The following DDX24 variants were observed in gnomAD, a reference collection of about 807,000 sequenced individuals.
DDX24 encodes the protein DEAD-box helicase 24, also known as ATP-dependent RNA helicase DDX24.
A neutral mutation model predicts 68.9 loss-of-function variants in DDX24; 24 were observed. The ratio of observed to expected loss-of-function variants is 0.35; its 90% CI spans 0.25 to 0.49. DDX24 has a LOEUF of 0.49. DDX24 is among the 20% of genes least tolerant of loss of function. The pLI is 0.99. For synonymous variants in DDX24, 395 were observed against 385.2 expected, an observed-to-expected ratio of 1.03 and a Z score of -0.30; for missense variants, 989 against 1,039.0, an observed-to-expected ratio of 0.95 and a Z score of 0.66.
In DDX24 at chr14:94,062,453, T is replaced by C; in HGVS notation, c.887A>G (p.Asp296Gly). 1 of 1,614,162 alleles carries C rather than the reference T, an allele frequency of 6.2e-7. No homozygotes were observed. The highest frequency in any genetic ancestry group is 8.5e-7 in the Non-Finnish European group (1 of 1,180,028). The change falls in exon 3 of 9, where the codon GAT becomes GGT. Residue 296 changes from aspartate to glycine, a missense_variant. By Grantham distance (94) the Asp-to-Gly change is moderately conservative (BLOSUM62 -1). This residue lies in a region of DDX24 where 691 missense variants were observed against 760.0 expected (regional missense o/e 0.91). Coordinates refer to ENST00000621632, the MANE Select transcript of DDX24 (RefSeq NM_020414.4). ...AATTACAGTATCGTCAGGCAATGCATCAGACTCAGCTTCAGCCTTGCCTGG... is the reference window on the plus strand; with the variant it reads ...AATTACAGTATCGTCAGGCAATGCACCAGACTCAGCTTCAGCCTTGCCTGG... The part of the protein sequence containing the change: ...RSPGKAEAES[D>G]ALPDDTVIES...
intron 7 of DDX24, 44 bp from the exon 8 acceptor site, chr14:94,053,171 G>A: frequency 6.2e-7 from 1 of 1,612,358 alleles, no homozygotes; most frequent in Non-Finnish European, 8.5e-7. Flanking sequence ...ATAGAGTTCA[G>A]GCCTCTGGGA....
At chr14:94,054,237 T>C (rs1385139892) in intron 7 of DDX24, among the ~76,000 whole-genome samples, 1 of 152,212 alleles carries the variant, frequency 6.6e-6, no homozygotes, top group East Asian at 1.9e-4. Flanking sequence ...TCCTTACTAA[T>C]GGGAATTCTC....
At position 94,060,942 on chromosome 14, in the gene DDX24, A is replaced by G; in HGVS notation, c.1368T>C (p.His456=). ...GRLWELIKEK[H]YHLRNLRQLR... ...GCTGCCGAAGGTTCCTCAAATGATA[A>G]TGCTTTTCTTTAATTAATTCCCACA... is the stretch of plus-strand genomic sequence containing the variant. Residue 456 remains histidine, a synonymous_variant, in exon 4 of 9, where the codon CAT becomes CAC. Transcript: ENST00000621632. 6.2e-7 allele frequency: 1 copy of G among 1,614,216 alleles called. No individual in the cohort carries two copies. Among genetic ancestry groups the G allele is most frequent in the Non-Finnish European group, 8.5e-7 (1 of 1,180,020 alleles).
At chr14:94,065,530 C>T (rs570491295) in intron 2 of DDX24, among the ~76,000 whole-genome samples, 7 of 152,304 alleles carry the variant, frequency 4.6e-5, no homozygotes, top group Non-Finnish European at 7.3e-5. Context: ...GATTGCAACT[C>T]CTGAAAGAGC....
At chr14:94,071,352 A>T (rs186975281) in intron 2 of DDX24, among the ~76,000 whole-genome samples, 5 of 152,196 alleles carry the variant, frequency 3.3e-5, no homozygotes, top group Non-Finnish European at 7.3e-5. Context: ...AAATCAAAAA[A>T]CAGTAGATGT....
chr14:94,048,503 G>A lies in DDX24; in HGVS notation c.*2688C>T, dbSNP rs45586440. On this transcript the variant is annotated 3_prime_UTR_variant, in exon 9 of 9. Coordinates refer to ENST00000621632, the MANE Select transcript of DDX24 (RefSeq NM_020414.4). ...CTTGGCCAAGTCACTTCACCTCCCT[G>A]AGCCCCAATTCCCAAGTTTGTGAAA... The A allele has an allele frequency of 2.5e-3, 377 of 152,284 alleles. No homozygotes were observed. Among genetic ancestry groups the A allele is most frequent in the Non-Finnish European group, 4.6e-3 (314 of 68,046 alleles). 9.4% of individuals were successfully genotyped at this position (152,284 alleles called of 1,614,324 possible).
In DDX24 at chr14:94,051,446, C is replaced by T; in HGVS notation, c.2325G>A (p.Gln775=). 1 of 1,559,252 alleles carries T rather than the reference C, an allele frequency of 6.4e-7. No homozygotes were observed. Among genetic ancestry groups the T allele is most frequent in the South Asian group, 1.2e-5 (1 of 81,978 alleles). ...EDMYKGGKAD[Q]QEERRRQKQM... ...GCTTTTGTCTCCGACGTTCTTCTTG[C>T]TGGTCAGCTTTTCCTCCTTGAAACA... Residue 775 remains glutamine, a synonymous_variant, in exon 9 of 9, where the codon CAG becomes CAA. Transcript: ENST00000621632.
At chr14:94,065,151 C>T (rs956714400) in intron 2 of DDX24, among the ~76,000 whole-genome samples, 2 of 151,704 alleles carry the variant, frequency 1.3e-5, no homozygotes, top group African/African-American at 2.4e-5. Context: ...CAGGTTCAAG[C>T]GATTCTCCTG....
intron 8 of DDX24, among the ~76,000 whole-genome samples, chr14:94,052,384 G>C (rs1457262634): frequency 6.6e-6 from 1 of 152,200 alleles, no homozygotes; most frequent in Non-Finnish European, 1.5e-5. Flanking sequence ...CTCTGCTGTG[G>C]TATCTAGTTT....
At chr14:94,059,454 T>C (rs1302954668) in intron 5 of DDX24, among the ~76,000 whole-genome samples, 1 of 152,232 alleles carries the variant, frequency 6.6e-6, no homozygotes, top group Admixed American at 6.5e-5. Flanking sequence ...TTTCTAGACC[T>C]CATTTTTCCA....
At position 94,079,108 on chromosome 14, in the gene DDX24, A is replaced by G; in HGVS notation, c.635T>C (p.Phe212Ser). The change falls in exon 2 of 9, where the codon TTC becomes TCC. Residue 212 changes from phenylalanine to serine, a missense_variant. This residue lies in a region of DDX24 where 295 missense variants were observed against 263.0 expected (regional missense o/e 1.12). Coordinates refer to ENST00000621632, the MANE Select transcript of DDX24 (RefSeq NM_020414.4). ...PVLRALSFLG[F>S]SAPTPIQALT... ...GGCTTGGATTGGTGTGGGTGCAGAG[A>G]AGCCTAGAAAGCTGAGTGCTCGGAG... 1 of 1,614,224 alleles carries G rather than the reference A, an allele frequency of 6.2e-7. No homozygotes were observed.
chr14:94,063,465 TAA>T (rs1885637475), intron 2 of DDX24, among the ~76,000 whole-genome samples: 1 of 152,138 alleles, frequency 6.6e-6, no homozygotes, highest in Non-Finnish European at 1.5e-5. Flanking sequence ...AAATGTGAAA[TAA>T]AGACTTTAGG....
rs1177295119 is a variant in DDX24, at chr14:94,060,507, G to T, written c.1504C>A (p.Gln502Lys). The change falls in exon 5 of 9, where the codon CAA becomes AAA. Residue 502 changes from glutamine (Q) to lysine (K), a missense_variant. By Grantham distance (53) the Gln-to-Lys change is moderately conservative (BLOSUM62 1). Transcript: ENST00000621632. ...AGTGTGGCAGAAAAAACAAGCGTTT[G>T]TCTCTTTGGGTTGTATTGGGAGTCA... ...LNDSQYNPKR[Q>K]TLVFSATLTL... is the part of the protein sequence containing the mutation. 6.2e-7 allele frequency: 1 copy of T among 1,614,178 alleles called. No homozygotes were observed. Among genetic ancestry groups the T allele is most frequent in the Admixed American group, 1.7e-5 (1 of 60,026 alleles).
chr14:94,053,339 C>A, intron 7 of DDX24: 2 of 410,776 alleles, frequency 4.9e-6, no homozygotes, highest in Non-Finnish European at 8.5e-6. Context: ...TGGGAGGCAC[C>A]ACCATGCCTA....
Position 94,057,906 on chromosome 14 carries a change from G to A in DDX24, c.1914-9C>T, listed in dbSNP as rs374316545. On this transcript the variant is annotated splice_polypyrimidine_tract_variant and intron_variant, in intron 5 of 8. Coordinates refer to ENST00000621632, the MANE Select transcript of DDX24 (RefSeq NM_020414.4). ...TTGCCAAGAGAACACAGCTGGGGTAGAGAGAGAAAGCTTATTAATAATAAC... is the reference window on the plus strand; with the variant it reads ...TTGCCAAGAGAACACAGCTGGGGTAAAGAGAGAAAGCTTATTAATAATAAC... 7.4e-6 allele frequency: 12 copies of A among 1,612,300 alleles called. No individual in the cohort carries two copies. Among genetic ancestry groups the A allele is most frequent in the African/African-American group, 1.3e-5 (1 of 74,798 alleles).
intron 8 of DDX24, among the ~76,000 whole-genome samples, chr14:94,052,013 G>C (rs1362528556): frequency 6.6e-6 from 1 of 152,216 alleles, no homozygotes; most frequent in Non-Finnish European, 1.5e-5. Context: ...CTGTCCTCAG[G>C]AAGGGAAGCC....
intron 6 of DDX24, chr14:94,057,605 G>A: frequency 1.9e-6 from 1 of 521,036 alleles, no homozygotes; most frequent in Non-Finnish European, 3.4e-6. Context: ...CAAGTAGCTT[G>A]GAGAGAAGGG....
intron 2 of DDX24, among the ~76,000 whole-genome samples, chr14:94,077,254 A>G (rs899569394): frequency 2.6e-5 from 4 of 152,080 alleles, no homozygotes; most frequent in African/African-American, 9.7e-5. Context: ...TTATTATTGC[A>G]TGGGCAGTGG....
At chr14:94,072,874 C>G (rs1323539013) in intron 2 of DDX24, among the ~76,000 whole-genome samples, 1 of 151,306 alleles carries the variant, frequency 6.6e-6, no homozygotes, top group African/African-American at 2.4e-5. Flanking sequence ...CCAAATACCA[C>G]TTGTACACCA....
Sources: allele counts gnomAD v4.1 joint callset (sites outside exome capture counted in the v4.1 genomes callset), GRCh38; gene constraint gnomAD v4.1.1; regional missense constraint gnomAD v4.1.1; transcripts MANE v1.5; gene names NCBI Gene and HGNC (gene_info 2026-07-23, HGNC 2026-07-21).